Variants in PI4K2B observed in about 807,000 individuals in gnomAD.
PI4K2B encodes the protein phosphatidylinositol 4-kinase type 2 beta.
Under a neutral mutation model 56.6 loss-of-function variants are expected in PI4K2B, and 46 were observed. The observed-to-expected ratio is 0.81, with a 90% CI of 0.64 to 1.04. The LOEUF (loss-of-function observed/expected upper bound fraction) is 1.04. Among genes scored for constraint, PI4K2B ranks in the 50% least tolerant of loss-of-function variants. PI4K2B has a pLI of 0.00. For missense variants in PI4K2B, 556 were observed against 607.7 expected (o/e 0.91, Z 0.89); for synonymous variants, 211 against 223.8 (o/e 0.94, Z 0.51).
intron 1 of PI4K2B, among the ~76,000 whole-genome samples, chr4:25,248,063 T>C (rs1715871395): frequency 6.6e-6 from 1 of 152,202 alleles, no homozygotes. Context: ...ATGGTAAAGA[T>C]GGGTAGGTTT....
Position 25,235,861 on chromosome 4 carries a change from A to G in PI4K2B, c.268+1430A>G, listed in dbSNP as rs541080030. Among the ~76,000 whole-genome samples the G allele has an allele frequency of 8.5e-5, 13 of 152,296 alleles. No homozygotes were observed. The South Asian group carries it at 1.5e-3, about 17-fold the overall frequency. On this transcript the variant is annotated intron_variant, in intron 1 of 9. Transcript: ENST00000264864. ...ACAGTATTAAGGCTAGAAAAAAATC[A>G]AAGCGAGAGGTCAACGAGATGGCAG...
At chr4:25,267,385 AAT>A (rs1194767811) in intron 7 of PI4K2B, among the ~76,000 whole-genome samples, 1 of 152,258 alleles carries the variant, frequency 6.6e-6, no homozygotes, top group Non-Finnish European at 1.5e-5. Context: ...TACTGTGTGC[AAT>A]GAGATAGATC....
At chr4:25,265,675 T>G (rs561763814) in intron 7 of PI4K2B, among the ~76,000 whole-genome samples, 1 of 152,370 alleles carries the variant, frequency 6.6e-6, no homozygotes, top group African/African-American at 2.4e-5. Flanking sequence ...TATTACTATT[T>G]CTAAGAAACT....
At chr4:25,234,982 C>T (rs1030270960) in intron 1 of PI4K2B, among the ~76,000 whole-genome samples, 18 of 152,162 alleles carry the variant, frequency 1.2e-4, no homozygotes, top group Non-Finnish European at 2.4e-4. Context: ...AGTTTAGTTT[C>T]TCTTTCTTGA....
At chr4:25,260,868 G>GGTTTTTTT (rs1560376276) in intron 6 of PI4K2B, among the ~76,000 whole-genome samples, 1 of 87,272 alleles carries the variant, frequency 1.1e-5, no homozygotes. Flanking sequence ...CTTGATTCTT[G>GGTTTTTTT]ATTTTTTTTT....
At chr4:25,267,376 A>G (rs1716704754) in intron 7 of PI4K2B, among the ~76,000 whole-genome samples, 1 of 152,260 alleles carries the variant, frequency 6.6e-6, no homozygotes, top group Admixed American at 6.5e-5. Flanking sequence ...TGACCTTCCT[A>G]CTGTGTGCAA....
At chr4:25,246,105 C>G (rs1178122249) in intron 1 of PI4K2B, among the ~76,000 whole-genome samples, 2 of 152,028 alleles carry the variant, frequency 1.3e-5, no homozygotes, top group Non-Finnish European at 2.9e-5. Context: ...AGCTGCAGAC[C>G]TTCGCGGTGA....
At chr4:25,235,266 G>T (rs1235112962) in intron 1 of PI4K2B, among the ~76,000 whole-genome samples, 1 of 152,202 alleles carries the variant, frequency 6.6e-6, no homozygotes, top group Non-Finnish European at 1.5e-5. Context: ...CCTCCCTGCT[G>T]GTTGTGAGGA....
intron 8 of PI4K2B, 88 bp from the exon 9 acceptor site, chr4:25,269,056 T>A: frequency 1.4e-6 from 1 of 695,118 alleles, no homozygotes; most frequent in South Asian, 1.9e-5. Context: ...TTAATGGCCT[T>A]ATTTGCTGAG....
intron 9 of PI4K2B, 49 bp downstream of exon 9, chr4:25,269,252 A>G (rs771298684): frequency 3.0e-6 from 3 of 1,005,930 alleles, no homozygotes; most frequent in Non-Finnish European, 4.7e-6. Flanking sequence ...TCTTTGAAAC[A>G]GTAGTCAACT....
intron 1 of PI4K2B, among the ~76,000 whole-genome samples, chr4:25,241,277 G>T (rs377709631): frequency 2.6e-5 from 4 of 152,230 alleles, no homozygotes; most frequent in Non-Finnish European, 5.9e-5. Flanking sequence ...GTCCCTGGGG[G>T]AAGAGGCTTA....
intron 7 of PI4K2B, chr4:25,267,939 G>T: frequency 3.5e-6 from 3 of 866,740 alleles, no homozygotes; most frequent in Non-Finnish European, 4.2e-6. Context: ...TTCAATCTGT[G>T]CCCGGGTGCG....
At chr4:25,249,822 G>A (rs1221911472) in intron 1 of PI4K2B, among the ~76,000 whole-genome samples, 1 of 152,198 alleles carries the variant, frequency 6.6e-6, no homozygotes. Flanking sequence ...CGGGGTGGCG[G>A]TCGGGCAGAG....
At chr4:25,267,713 G>A in intron 7 of PI4K2B, 3 of 929,104 alleles carry the variant, frequency 3.2e-6, no homozygotes, top group Non-Finnish European at 3.9e-6. Context: ...GATTATACCT[G>A]TACAAATCTC....
intron 1 of PI4K2B, among the ~76,000 whole-genome samples, chr4:25,242,067 G>A (rs1335252851): frequency 1.3e-5 from 2 of 152,198 alleles, no homozygotes; most frequent in African/African-American, 2.4e-5. Context: ...ATGTCTTAGG[G>A]TGAGGATAAG....
chr4:25,272,901 G>C (rs546230485), intron 9 of PI4K2B, among the ~76,000 whole-genome samples: 4 of 151,686 alleles, frequency 2.6e-5, no homozygotes, highest in Non-Finnish European at 5.9e-5. Flanking sequence ...CCAAACAACA[G>C]AATAATTACT....
chr4:25,274,143 TAG>T (rs1717013884), intron 9 of PI4K2B, among the ~76,000 whole-genome samples: 1 of 152,162 alleles, frequency 6.6e-6, no homozygotes, highest in South Asian at 2.1e-4. Flanking sequence ...TACATTGCTA[TAG>T]AGAGATAGCT....
chr4:25,276,756 A>C lies in PI4K2B; in HGVS notation c.1273-258A>C, dbSNP rs1717111099. Reference sequence around the variant, plus strand: ...CCTGGACATAGGCAGGATATTCTAGAATATTTTAAACTTACCATCTGGCAA... The same window carrying C: ...CCTGGACATAGGCAGGATATTCTAGCATATTTTAAACTTACCATCTGGCAA... On this transcript the variant is annotated intron_variant, in intron 9 of 9. Transcript: ENST00000264864. The C allele has an allele frequency of 3.0e-6, 3 of 985,278 alleles. No individual in the cohort carries two copies. In the South Asian group the frequency reaches 1.4e-4, roughly 46 times the overall value. The allele number at this position is 985,278 out of a possible 1,614,324, so 61.0% of individuals were successfully genotyped here.
rs562171307 is a variant in PI4K2B at position 25,279,123 on chromosome 4, T to C, written c.*1936T>C. 1 of 152,708 alleles carries C rather than the reference T, an allele frequency of 6.5e-6. No homozygotes were observed. Among genetic ancestry groups the C allele is most frequent in the East Asian group, 1.9e-4 (1 of 5,194 alleles). The allele number at this position is 152,708 out of a possible 1,614,324, so 9.5% of individuals were successfully genotyped here. A position where few individuals can be genotyped will look rare whatever the true frequency, so the allele number is the denominator to read the frequency against. ...TTCTGTATGTACGTGTTTGGAATATTTAGAATGTTTATGAACACATTTACT... is the reference window on the plus strand; with the variant it reads ...TTCTGTATGTACGTGTTTGGAATATCTAGAATGTTTATGAACACATTTACT... On this transcript the variant is annotated 3_prime_UTR_variant, in exon 10 of 10. Transcript: ENST00000264864.
Sources: gnomAD v4.1 joint callset for allele counts (sites outside exome capture counted in the v4.1 genomes callset) on GRCh38, gnomAD v4.1.1 for gene constraint, MANE v1.5 for transcripts, NCBI Gene and HGNC (gene_info 2026-07-23, HGNC 2026-07-21) for gene names.